The following PDZRN4 variants were observed in gnomAD, a reference collection of about 807,000 sequenced individuals.
The protein encoded by PDZRN4 is PDZ domain containing ring finger 4, also known as PDZ domain-containing RING finger protein 4.
In PDZRN4, 70 loss-of-function variants were observed where a neutral mutation model predicts 99.0. The ratio of observed to expected loss-of-function variants is 0.71; its 90% CI spans 0.58 to 0.86. PDZRN4 has a LOEUF of 0.86. Among genes scored for constraint, PDZRN4 ranks in the 40% least tolerant of loss-of-function variants. The pLI is 0.00. For synonymous variants in PDZRN4, 551 were observed against 501.6 expected, an observed-to-expected ratio of 1.10 and a Z score of -1.32; for missense variants, 1,474 against 1,331.2, an observed-to-expected ratio of 1.11 and a Z score of -1.67.
chr12:41,241,908 C>G (rs1031873692), intron 3 of PDZRN4, among the ~76,000 whole-genome samples: 1 of 152,122 alleles, frequency 6.6e-6, no homozygotes, highest in Non-Finnish European at 1.5e-5. Context: ...TAGCTTTGGT[C>G]TAAGATGAGC....
intron 3 of PDZRN4, among the ~76,000 whole-genome samples, chr12:41,271,964 C>T (rs952797655): frequency 4.6e-5 from 7 of 152,100 alleles, no homozygotes; most frequent in African/African-American, 1.4e-4. Flanking sequence ...ACTGCACAGA[C>T]AACAAATGAT....
chr12:41,400,408 T>C, intron 3 of PDZRN4, among the ~76,000 whole-genome samples: 1 of 152,220 alleles, frequency 6.6e-6, no homozygotes, highest in Non-Finnish European at 1.5e-5. Context: ...CAGATTCATC[T>C]AAATCTGAAT....
At chr12:41,268,442 T>C (rs12302094) in intron 3 of PDZRN4, among the ~76,000 whole-genome samples, 18,381 of 152,232 alleles carry the variant, frequency 0.12, 1,944 homozygotes, top group African/African-American at 0.28. Flanking sequence ...GTCTGCCTCC[T>C]GTTCACACGT....
At chr12:41,490,727 T>C (rs956051175) in intron 3 of PDZRN4, among the ~76,000 whole-genome samples, 3 of 152,120 alleles carry the variant, frequency 2.0e-5, no homozygotes, top group African/African-American at 7.2e-5. Context: ...GATTTATTAA[T>C]TTATTGGCTT....
At chr12:41,411,320 C>T (rs1451605325) in intron 3 of PDZRN4, among the ~76,000 whole-genome samples, 2 of 152,102 alleles carry the variant, frequency 1.3e-5, no homozygotes, top group African/African-American at 4.8e-5. Flanking sequence ...GCCCCACTTC[C>T]TTCATCTTTC....
intron 5 of PDZRN4, among the ~76,000 whole-genome samples, chr12:41,526,211 T>C (rs1938565336): frequency 6.6e-6 from 1 of 152,164 alleles, no homozygotes; most frequent in African/African-American, 2.4e-5. Flanking sequence ...TAAAACCATA[T>C]GTCTTAGAGC....
chr12:41,475,909 G>T (rs771768306), intron 3 of PDZRN4, among the ~76,000 whole-genome samples: 3 of 151,958 alleles, frequency 2.0e-5, no homozygotes, highest in Admixed American at 2.0e-4. Flanking sequence ...TTTGGCACTT[G>T]CTACTTGGTA....
At chr12:41,294,928 G>A (rs139865528) in intron 3 of PDZRN4, among the ~76,000 whole-genome samples, 3 of 152,114 alleles carry the variant, frequency 2.0e-5, no homozygotes, top group African/African-American at 4.8e-5. Context: ...AAATTTCATA[G>A]AGCTGAATAG....
chr12:41,372,798 A>G (rs1952051342), intron 3 of PDZRN4, among the ~76,000 whole-genome samples: 1 of 152,162 alleles, frequency 6.6e-6, no homozygotes, highest in South Asian at 2.1e-4. Flanking sequence ...CTGGAGAAAC[A>G]TGACAGGGAT....
intron 3 of PDZRN4, among the ~76,000 whole-genome samples, chr12:41,341,800 A>G (rs1219363057): frequency 6.6e-6 from 1 of 151,990 alleles, no homozygotes; most frequent in East Asian, 1.9e-4. Context: ...GTTTAATGCA[A>G]TCATTGTCAA....
At chr12:41,369,351 T>C (rs1197152217) in intron 3 of PDZRN4, among the ~76,000 whole-genome samples, 1 of 152,112 alleles carries the variant, frequency 6.6e-6, no homozygotes, top group Non-Finnish European at 1.5e-5. Flanking sequence ...CTTTATGCCT[T>C]GTAAGAATAT....
At chr12:41,467,574 T>C (rs1952940293) in intron 3 of PDZRN4, among the ~76,000 whole-genome samples, 1 of 152,220 alleles carries the variant, frequency 6.6e-6, no homozygotes, top group Non-Finnish European at 1.5e-5. Context: ...CAATTGGTTG[T>C]ATCTGTCACT....
intron 3 of PDZRN4, among the ~76,000 whole-genome samples, chr12:41,244,699 A>C (rs1301916517): frequency 5.6e-5 from 7 of 124,940 alleles, no homozygotes; most frequent in African/African-American, 2.3e-4. Context: ...TCTTTTTGAG[A>C]CGGAGTCTCG....
chr12:41,287,245 C>A (rs1951427856), intron 3 of PDZRN4, among the ~76,000 whole-genome samples: 1 of 152,294 alleles, frequency 6.6e-6, no homozygotes, highest in African/African-American at 2.4e-5. Context: ...CAGCCATAGT[C>A]ATGGTTCTGC....
At chr12:41,485,987 G>T (rs933763837) in intron 3 of PDZRN4, among the ~76,000 whole-genome samples, 2 of 152,142 alleles carry the variant, frequency 1.3e-5, no homozygotes, top group African/African-American at 4.8e-5. Context: ...AAAGGTGACA[G>T]TAGCTTTTCA....
chr12:41,339,965 C>G (rs1360238250), intron 3 of PDZRN4, among the ~76,000 whole-genome samples: 4 of 151,994 alleles, frequency 2.6e-5, no homozygotes, highest in African/African-American at 9.7e-5. Context: ...CTTTTGTGCA[C>G]TGTTGGTGGT....
At chr12:41,355,995 C>T (rs1280471027) in intron 3 of PDZRN4, among the ~76,000 whole-genome samples, 1 of 151,974 alleles carries the variant, frequency 6.6e-6, no homozygotes, top group African/African-American at 2.4e-5. Context: ...TATATGTGAA[C>T]ATTCAAAGAT....
At chr12:41,268,499 A>T (rs1035884678) in intron 3 of PDZRN4, among the ~76,000 whole-genome samples, 3 of 152,366 alleles carry the variant, frequency 2.0e-5, no homozygotes, top group Admixed American at 2.0e-4. Context: ...AAGGTTAAAC[A>T]AATTAGAATT....
intron 3 of PDZRN4, among the ~76,000 whole-genome samples, chr12:41,435,117 G>C (rs1379365372): frequency 1.3e-5 from 2 of 152,168 alleles, no homozygotes; most frequent in Non-Finnish European, 2.9e-5. Context: ...TGGAAAAGCT[G>C]CCCTTGCTTC....
Sources: gnomAD v4.1 joint callset for allele counts (sites outside exome capture counted in the v4.1 genomes callset) on GRCh38, gnomAD v4.1.1 for gene constraint, MANE v1.5 for transcripts, NCBI Gene and HGNC (gene_info 2026-07-23, HGNC 2026-07-21) for gene names.